Variants in ABCC1 observed in about 807,000 individuals in gnomAD.
ABCC1 encodes multidrug resistance-associated protein 1.
Under a neutral mutation model 172.9 loss-of-function variants are expected in ABCC1, and 83 were observed. That is an observed-to-expected ratio of 0.48 (90% CI 0.40 to 0.58). The LOEUF is 0.58. Ranked by LOEUF, ABCC1 falls within the 20% of genes least tolerant of loss-of-function variation. ABCC1 has a pLI of 0.00. For synonymous variants in ABCC1, 937 were observed against 825.2 expected, an observed-to-expected ratio of 1.14 and a Z score of -2.32; for missense variants, 1,817 against 2,002.7, an observed-to-expected ratio of 0.91 and a Z score of 1.77.
intron 5 of ABCC1, among the ~76,000 whole-genome samples, chr16:16,026,237 GC>G (rs2048363120): frequency 6.6e-6 from 1 of 151,728 alleles, no homozygotes; most frequent in Non-Finnish European, 1.5e-5. Context: ...TTTGAGACCA[GC>G]CTGGCCAACA....
At chr16:16,098,095 TTTC>T (rs1223734414) in intron 19 of ABCC1, 1 of 152,308 alleles carries the variant, frequency 6.6e-6, no homozygotes, top group African/African-American at 2.4e-5. Flanking sequence ...TAAGTCACCT[TTTC>T]TTCTCCTCTT....
At chr16:16,067,382 C>A (rs2050151319) in intron 12 of ABCC1, among the ~76,000 whole-genome samples, 1 of 152,170 alleles carries the variant, frequency 6.6e-6, no homozygotes, top group African/African-American at 2.4e-5. Flanking sequence ...GCTTGTGTGA[C>A]CACGTTAATA....
chr16:16,058,861 G>T (rs2049787005), intron 12 of ABCC1, among the ~76,000 whole-genome samples: 1 of 151,486 alleles, frequency 6.6e-6, no homozygotes, highest in African/African-American at 2.4e-5. Flanking sequence ...TCACCATGTT[G>T]GCCAGGCTGG....
chr16:16,116,132 C>T (rs2044853976), intron 23 of ABCC1, among the ~76,000 whole-genome samples: 2 of 152,022 alleles, frequency 1.3e-5, no homozygotes, highest in African/African-American at 2.4e-5. Context: ...TCTCAATCTC[C>T]TGACCTCGTG....
chr16:16,037,624 T>C (rs1315595252), intron 7 of ABCC1, among the ~76,000 whole-genome samples: 1 of 152,202 alleles, frequency 6.6e-6, no homozygotes, highest in East Asian at 1.9e-4. Context: ...TTGTTCCTGT[T>C]GCCTGTTCTG....
In ABCC1 at chr16:15,982,803, C is replaced by CAAAAAAAAAAAAAAAAAAAAAAAA. The variant is rs148834444; in HGVS notation, c.49-24992_49-24991insAAAAAAAAAAAAAAAAAAAAAAAA. Among the ~76,000 whole-genome samples, 4 of 43,220 alleles carry CAAAAAAAAAAAAAAAAAAAAAAAA rather than the reference C, an allele frequency of 9.3e-5. 2 individuals are homozygous for CAAAAAAAAAAAAAAAAAAAAAAAA. The highest frequency in any genetic ancestry group is 8.5e-5 in the Non-Finnish European group (2 of 23,470). 28.4% of individuals were successfully genotyped at this position (43,220 alleles called of 152,430 possible). ...TCTGGGCAACAGAGTGAGACGCTGT[C>CAAAAAAAAAAAAAAAAAAAAAAAA]AAAAAAAAAAAAAAAAAAAAAGGAA... On this transcript the variant is annotated intron_variant, in intron 1 of 30. Coordinates refer to ENST00000399410, the MANE Select transcript of ABCC1 (RefSeq NM_004996.4).
intron 5 of ABCC1, among the ~76,000 whole-genome samples, chr16:16,026,473 T>TTTTC: frequency 9.0e-6 from 1 of 110,752 alleles, no homozygotes; most frequent in Non-Finnish European, 1.9e-5. Flanking sequence ...TCCTTTTTTT[T>TTTTC]TTTTTTTTTT....
intron 1 of ABCC1, among the ~76,000 whole-genome samples, chr16:15,962,911 A>G (rs967383997): frequency 3.9e-5 from 6 of 152,164 alleles, no homozygotes; most frequent in Non-Finnish European, 8.8e-5. Context: ...TGCCTTCCCA[A>G]CAGTTCCCCA....
intron 1 of ABCC1, among the ~76,000 whole-genome samples, chr16:15,994,949 G>A (rs1007857509): frequency 4.0e-5 from 6 of 151,616 alleles, no homozygotes; most frequent in Non-Finnish European, 8.8e-5. Context: ...TGGCCAACAT[G>A]GTGAAACTCC....
intron 12 of ABCC1, 25 bp downstream of exon 12, chr16:16,056,320 G>T (rs1248360306): frequency 9.3e-6 from 15 of 1,612,898 alleles, no homozygotes; most frequent in East Asian, 2.2e-5. Flanking sequence ...ATTTTTCCTG[G>T]CCCTCATTGT....
chr16:16,008,473 G>A (rs2151727287), intron 2 of ABCC1, among the ~76,000 whole-genome samples: 1 of 151,820 alleles, frequency 6.6e-6, no homozygotes, highest in South Asian at 2.1e-4. Flanking sequence ...CCAAAGTACT[G>A]GGATGCTCAG....
chr16:16,064,462 A>T (rs1221311333), intron 12 of ABCC1, among the ~76,000 whole-genome samples: 2 of 152,200 alleles, frequency 1.3e-5, no homozygotes, highest in Non-Finnish European at 2.9e-5. Flanking sequence ...GGATGGCTAG[A>T]TGACCTCCTC....
At chr16:16,137,339 C>T (rs2045953101) in intron 29 of ABCC1, among the ~76,000 whole-genome samples, 1 of 152,056 alleles carries the variant, frequency 6.6e-6, no homozygotes, top group Non-Finnish European at 1.5e-5. Flanking sequence ...CCGTGCATCC[C>T]TCATTCTCCA....
intron 12 of ABCC1, among the ~76,000 whole-genome samples, chr16:16,057,037 C>T (rs2049686289): frequency 6.6e-6 from 1 of 152,048 alleles, no homozygotes; most frequent in Non-Finnish European, 1.5e-5. Flanking sequence ...GGTCTAAACA[C>T]ACTCTAAAAT....
intron 6 of ABCC1, 58 bp from the exon 7 acceptor site, chr16:16,036,414 C>T (rs1331255147): frequency 1.3e-6 from 2 of 1,547,436 alleles, no homozygotes; most frequent in East Asian, 2.3e-5. Context: ...GAGCCCCGTC[C>T]TCCCCCTCCT....
chr16:16,021,851 G>A (rs941357305), intron 5 of ABCC1, among the ~76,000 whole-genome samples: 2 of 152,132 alleles, frequency 1.3e-5, no homozygotes, highest in African/African-American at 2.4e-5. Context: ...CTTTGGGCTC[G>A]GTGCTCTTCC....
At chr16:16,040,056 TTGTTTGTTTGTATGTATGTA>T (rs1158083821) in intron 7 of ABCC1, among the ~76,000 whole-genome samples, 1 of 140,442 alleles carries the variant, frequency 7.1e-6, no homozygotes, top group African/African-American at 2.9e-5. Flanking sequence ...TGTTGTTTGT[TTGTTTGTTTGTATGTATGTA>T]TGTATGTATG....
At chr16:16,049,483 C>A (rs999294444) in intron 10 of ABCC1, among the ~76,000 whole-genome samples, 3 of 152,140 alleles carry the variant, frequency 2.0e-5, no homozygotes, top group Non-Finnish European at 4.4e-5. Context: ...TTGTGCTTTG[C>A]TACCTCTGGA....
intron 2 of ABCC1, among the ~76,000 whole-genome samples, chr16:16,008,397 GA>G (rs1260280568): frequency 2.0e-5 from 3 of 151,652 alleles, no homozygotes; most frequent in Non-Finnish European, 4.4e-5. Context: ...AGAGAGGGGG[GA>G]CTTGCTGTGT....
Sources: gnomAD v4.1 joint callset for allele counts (sites outside exome capture counted in the v4.1 genomes callset) on GRCh38, gnomAD v4.1.1 for gene constraint, MANE v1.5 for transcripts, NCBI Gene and HGNC (gene_info 2026-07-23, HGNC 2026-07-21) for gene names.